The following TAFA1 variants were observed in gnomAD, a reference collection of about 807,000 sequenced individuals.
TAFA1 encodes the protein TAFA chemokine like family member 1.
A neutral mutation model predicts 18.5 loss-of-function variants in TAFA1; 4 were observed. The observed-to-expected ratio is 0.22, with a 90% CI of 0.11 to 0.49. The LOEUF is 0.49. TAFA1 is among the 20% of genes least tolerant of loss of function. TAFA1 has a pLI of 0.98. For missense variants in TAFA1, 147 were observed against 169.0 expected, an observed-to-expected ratio of 0.87 and a Z score of 0.72; for synonymous variants, 56 against 55.2, an observed-to-expected ratio of 1.01 and a Z score of -0.06.
At chr3:68,290,032 T>A (rs1033594144) in intron 2 of TAFA1, among the ~76,000 whole-genome samples, 14 of 152,324 alleles carry the variant, frequency 9.2e-5, no homozygotes, top group African/African-American at 3.4e-4. Flanking sequence ...ATAACCCAGA[T>A]AATATTCTGT....
chr3:68,216,354 C>T (rs1282515484), intron 2 of TAFA1, among the ~76,000 whole-genome samples: 1 of 152,012 alleles, frequency 6.6e-6, no homozygotes, highest in Non-Finnish European at 1.5e-5. Flanking sequence ...CAGATGAATG[C>T]AGAATATGAC....
intron 2 of TAFA1, among the ~76,000 whole-genome samples, chr3:68,152,321 T>C (rs2065815461): frequency 6.6e-6 from 1 of 152,100 alleles, no homozygotes; most frequent in Admixed American, 6.6e-5. Flanking sequence ...TCTGCATTTT[T>C]TTTTGCAGTT....
chr3:67,996,326 T>C, the TAFA1 span, among the ~76,000 whole-genome samples: 1 of 152,146 alleles, frequency 6.6e-6, no homozygotes, highest in African/African-American at 2.4e-5. Context: ...TTTTAAAAAA[T>C]CAGACATTAT....
At chr3:68,525,572 T>G (rs1054173946) in intron 3 of TAFA1, among the ~76,000 whole-genome samples, 2 of 152,190 alleles carry the variant, frequency 1.3e-5, no homozygotes, top group Admixed American at 1.3e-4. Flanking sequence ...GTTTTCCACT[T>G]TTTAAGAGGT....
In TAFA1 at chr3:68,379,626, G is replaced by T. The variant is rs375550866; in HGVS notation, c.119-37654G>T. ...TCTTCCAGGGATTTTTAGAGGTTTG[G>T]GTTTTACACTTAAGTCTTTAATTTT... is the stretch of plus-strand genomic sequence containing the variant. On this transcript the variant is annotated intron_variant, in intron 2 of 4. Transcript: ENST00000478136. Among the ~76,000 whole-genome samples the T allele has an allele frequency of 4.5e-4, 68 of 152,000 alleles. 1 individual carries two copies. The South Asian group carries it at 0.014, about 31-fold the overall frequency.
At chr3:68,379,612 T>C (rs933323260) in intron 2 of TAFA1, among the ~76,000 whole-genome samples, 1 of 152,102 alleles carries the variant, frequency 6.6e-6, no homozygotes, top group African/African-American at 2.4e-5. Flanking sequence ...CTTCCAGGGA[T>C]TTTTAGAGGT....
Position 68,486,102 on chromosome 3 carries a change from G to GTTTTA in TAFA1, c.260-52614_260-52610dup, listed in dbSNP as rs528561242. Among the ~76,000 whole-genome samples the GTTTTA allele has an allele frequency of 9.7e-4, 118 of 121,384 alleles. 1 individual carries two copies. The highest frequency in any genetic ancestry group is 5.0e-3 in the East Asian group (23 of 4,606). 79.6% of individuals were successfully genotyped at this position (121,384 alleles called of 152,430 possible). On this transcript the variant is annotated intron_variant, in intron 3 of 4. Transcript: ENST00000478136. ...ATTTTATTTTATTTTATTTTATTTT[G>GTTTTA]TTTTATTTTATTTTATTTTATTTTA...
chr3:68,438,177 AC>A (rs1171716111), intron 3 of TAFA1, among the ~76,000 whole-genome samples: 4 of 152,026 alleles, frequency 2.6e-5, no homozygotes, highest in Non-Finnish European at 5.9e-5. Context: ...TGAGCAACAG[AC>A]AAAACCCTGT....
chr3:68,078,245 G>A lies in TAFA1; in HGVS notation c.118+71501G>A, dbSNP rs541583008. 2.7e-3 allele frequency among the ~76,000 whole-genome samples: 416 copies of A among 152,176 alleles called. 3 individuals carry two copies. Among genetic ancestry groups the A allele is most frequent in the African/African-American group, 9.6e-3 (399 of 41,486 alleles). On this transcript the variant is annotated intron_variant, in intron 2 of 4. Transcript: ENST00000478136. ...TGGGGTTTTCTAGATATACAATCATGTCATCTGCAAACAGGGACAATTTGA... is the reference window on the plus strand; with the variant it reads ...TGGGGTTTTCTAGATATACAATCATATCATCTGCAAACAGGGACAATTTGA...
Position 68,035,807 on chromosome 3 carries a change from C to G in TAFA1, c.118+29063C>G, listed in dbSNP as rs747024960. Among the ~76,000 whole-genome samples, 87 of 152,156 alleles carry G rather than the reference C, an allele frequency of 5.7e-4. 1 individual carries two copies. The highest frequency in any genetic ancestry group is 1.2e-3 in the Non-Finnish European group (80 of 68,026). ...TCCTTTAATGGGTTGGATAGATAAACAAACTGGTGCAGCCACGCAATGTAA... is the reference window on the plus strand; with the variant it reads ...TCCTTTAATGGGTTGGATAGATAAAGAAACTGGTGCAGCCACGCAATGTAA... On this transcript the variant is annotated intron_variant, in intron 2 of 4. Transcript: ENST00000478136.
intron 2 of TAFA1, among the ~76,000 whole-genome samples, chr3:68,296,148 T>A (rs774215222): frequency 4.6e-5 from 7 of 152,204 alleles, no homozygotes; most frequent in Non-Finnish European, 7.3e-5. Context: ...GAGAATTGCC[T>A]ATGTGAGCTA....
chr3:68,398,825 T>C (rs942197262), intron 2 of TAFA1, among the ~76,000 whole-genome samples: 2 of 152,228 alleles, frequency 1.3e-5, no homozygotes, highest in South Asian at 4.1e-4. Flanking sequence ...CAAAGAAGAA[T>C]GTTCATTTTC....
At chr3:68,187,881 C>A (rs533102297) in intron 2 of TAFA1, among the ~76,000 whole-genome samples, 1 of 151,902 alleles carries the variant, frequency 6.6e-6, no homozygotes, top group African/African-American at 2.4e-5. Flanking sequence ...GGTAGCATTG[C>A]GGCTTTAATT....
intron 2 of TAFA1, among the ~76,000 whole-genome samples, chr3:68,225,756 C>T (rs1288715751): frequency 2.6e-5 from 4 of 152,054 alleles, no homozygotes; most frequent in African/African-American, 9.7e-5. Context: ...TTAAATTCTT[C>T]TTTGTCTTTA....
chr3:68,509,366 T>C (rs2072812544), intron 3 of TAFA1, among the ~76,000 whole-genome samples: 1 of 152,118 alleles, frequency 6.6e-6, no homozygotes, highest in South Asian at 2.1e-4. Flanking sequence ...TGAAGGACAC[T>C]GACAAGATTT....
intron 2 of TAFA1, among the ~76,000 whole-genome samples, chr3:68,378,623 G>A (rs919111560): frequency 1.3e-5 from 2 of 152,138 alleles, no homozygotes; most frequent in Non-Finnish European, 2.9e-5. Context: ...AATGTGAAAA[G>A]ACATGAGATT....
chr3:68,084,781 G>C (rs1282868476), intron 2 of TAFA1, among the ~76,000 whole-genome samples: 1 of 149,188 alleles, frequency 6.7e-6, no homozygotes, highest in African/African-American at 2.5e-5. Flanking sequence ...CTGGGAGACA[G>C]AGCAAGACTC....
intron 2 of TAFA1, among the ~76,000 whole-genome samples, chr3:68,029,699 G>A (rs1284461463): frequency 2.6e-5 from 4 of 152,258 alleles, no homozygotes; most frequent in East Asian, 1.9e-4. Flanking sequence ...AGTAGCGGAT[G>A]TACTCTTACG....
At chr3:68,298,338 A>T (rs1005065469) in intron 2 of TAFA1, among the ~76,000 whole-genome samples, 2 of 152,192 alleles carry the variant, frequency 1.3e-5, no homozygotes, top group African/African-American at 4.8e-5. Flanking sequence ...GAGACTATAA[A>T]TAACCATGGA....
Sources: gnomAD v4.1 joint callset for allele counts (sites outside exome capture counted in the v4.1 genomes callset) on GRCh38, gnomAD v4.1.1 for gene constraint, MANE v1.5 for transcripts, NCBI Gene and HGNC (gene_info 2026-07-23, HGNC 2026-07-21) for gene names.